Variants in NRXN3 observed in about 807,000 individuals in gnomAD.
The protein encoded by NRXN3 is neurexin 3, also known as neurexin III.
In NRXN3, 32 loss-of-function variants were observed where a neutral mutation model predicts 137.6. The ratio of observed to expected loss-of-function variants is 0.23; its 90% CI spans 0.18 to 0.31. The LOEUF is 0.31. Among genes scored for constraint, NRXN3 ranks in the 10% least tolerant of loss-of-function variants. The pLI is 1.00. For synonymous variants in NRXN3, 798 were observed against 784.5 expected, an observed-to-expected ratio of 1.02 and a Z score of -0.29; for missense variants, 1,574 against 2,062.5, an observed-to-expected ratio of 0.76 and a Z score of 4.59.
chr14:78,298,699 C>G (rs999091004), intron 4 of NRXN3, among the ~76,000 whole-genome samples: 10 of 152,168 alleles, frequency 6.6e-5, no homozygotes, highest in Non-Finnish European at 1.2e-4. Flanking sequence ...TCTTCTGAGC[C>G]TTGGGATGAT....
At chr14:78,191,471 T>C (rs2060720655) in intron 1 of NRXN3, among the ~76,000 whole-genome samples, 1 of 152,114 alleles carries the variant, frequency 6.6e-6, no homozygotes, top group Non-Finnish European at 1.5e-5. Context: ...AACATGGAAG[T>C]GCATTTGATG....
chr14:78,963,553 A>G (rs31422), intron 11 of NRXN3, among the ~76,000 whole-genome samples: 40,686 of 151,894 alleles, frequency 0.27, 9,909 homozygotes, highest in African/African-American at 0.64. Flanking sequence ...TAGAGCATGC[A>G]AATTTAGATT....
At position 79,228,872 on chromosome 14, in the gene NRXN3, T is replaced by C. The variant is rs145320999; in HGVS notation, c.3263-238349T>C. 1.3e-4 allele frequency among the ~76,000 whole-genome samples: 20 copies of C among 152,300 alleles called. No homozygotes were observed. In the East Asian group the frequency reaches 3.9e-3, roughly 29 times the overall value. On this transcript the variant is annotated intron_variant, in intron 15 of 20. Coordinates refer to ENST00000335750, the MANE Select transcript of NRXN3 (RefSeq NM_001330195.2). ...TTGCTGAAATTCACCTTTTAGTTTT[T>C]TTAGAAGGGAGCGGTATTGGCATAC...
At chr14:78,583,974 T>C (rs1214842064) in intron 4 of NRXN3, among the ~76,000 whole-genome samples, 1 of 152,212 alleles carries the variant, frequency 6.6e-6, no homozygotes, top group East Asian at 1.9e-4. Context: ...CTTTCATGCA[T>C]TTACTTATCC....
At chr14:79,154,106 T>C (rs942188921) in intron 15 of NRXN3, among the ~76,000 whole-genome samples, 2 of 151,988 alleles carry the variant, frequency 1.3e-5, no homozygotes, top group Non-Finnish European at 2.9e-5. Context: ...TTAATTTTCT[T>C]ATATACCAGG....
intron 4 of NRXN3, among the ~76,000 whole-genome samples, chr14:78,316,583 T>C (rs1398245149): frequency 6.6e-6 from 1 of 152,184 alleles, no homozygotes; most frequent in African/African-American, 2.4e-5. Context: ...GCCTAATATA[T>C]ATGCCCAGGC....
chr14:78,660,094 A>G (rs2097824873), intron 6 of NRXN3, among the ~76,000 whole-genome samples: 1 of 152,046 alleles, frequency 6.6e-6, no homozygotes, highest in East Asian at 1.9e-4. Context: ...AAAAAGTGGT[A>G]TGGGCCTAAG....
At chr14:78,197,234 A>G (rs1013803993) in intron 1 of NRXN3, among the ~76,000 whole-genome samples, 4 of 152,268 alleles carry the variant, frequency 2.6e-5, no homozygotes, top group Non-Finnish European at 5.9e-5. Context: ...GCGTGCATGC[A>G]TAATCAATAC....
At chr14:79,522,015 T>G (rs61309702) in intron 16 of NRXN3, among the ~76,000 whole-genome samples, 2 of 152,134 alleles carry the variant, frequency 1.3e-5, no homozygotes, top group African/African-American at 4.8e-5. Context: ...ACAGTCCTGG[T>G]GAGTCAGAGA....
At chr14:79,768,785 C>T (rs973165766) in intron 19 of NRXN3, among the ~76,000 whole-genome samples, 18 of 152,292 alleles carry the variant, frequency 1.2e-4, no homozygotes, top group East Asian at 7.7e-4. Flanking sequence ...ATGACTTTGA[C>T]GAGCTGAGAG....
At chr14:78,197,787 C>G (rs917632813) in intron 1 of NRXN3, among the ~76,000 whole-genome samples, 1 of 152,202 alleles carries the variant, frequency 6.6e-6, no homozygotes, top group African/African-American at 2.4e-5. Context: ...TCCTTCTCCT[C>G]TCCTGCTCAG....
At chr14:79,624,008 T>A (rs1317190143) in intron 16 of NRXN3, among the ~76,000 whole-genome samples, 1 of 152,156 alleles carries the variant, frequency 6.6e-6, no homozygotes, top group Non-Finnish European at 1.5e-5. Flanking sequence ...CACCTACAGA[T>A]GATTTCACCT....
At chr14:78,680,658 G>GAGTGGTTTGATTTTATC (rs2152741458) in intron 6 of NRXN3, among the ~76,000 whole-genome samples, 1 of 152,212 alleles carries the variant, frequency 6.6e-6, no homozygotes, top group African/African-American at 2.4e-5. Flanking sequence ...ACTGAAAGTA[G>GAGTGGTTTGATTTTATC]AGTGGTTTGA....
chr14:79,345,283 G>A (rs2092811422), intron 15 of NRXN3, among the ~76,000 whole-genome samples: 1 of 152,028 alleles, frequency 6.6e-6, no homozygotes, highest in South Asian at 2.1e-4. Context: ...AGATACAAAA[G>A]CCATATAAGA....
intron 1 of NRXN3, among the ~76,000 whole-genome samples, chr14:78,206,552 G>GA (rs575463359): frequency 2.2e-3 from 339 of 151,820 alleles, no homozygotes; most frequent in African/African-American, 7.7e-3. Context: ...CCCAAGAGAG[G>GA]AAAAAAAAGA....
chr14:78,353,218 C>T (rs1329568851), intron 4 of NRXN3, among the ~76,000 whole-genome samples: 1 of 152,130 alleles, frequency 6.6e-6, no homozygotes, highest in Non-Finnish European at 1.5e-5. Flanking sequence ...GTCTCTGGTT[C>T]CCACACACGT....
At chr14:78,589,704 CT>C (rs1446123300) in intron 4 of NRXN3, among the ~76,000 whole-genome samples, 1 of 152,156 alleles carries the variant, frequency 6.6e-6, no homozygotes, top group African/African-American at 2.4e-5. Context: ...TGGTTCTGCT[CT>C]TGGGCCAGGA....
intron 4 of NRXN3, among the ~76,000 whole-genome samples, chr14:78,505,904 C>T (rs898484215): frequency 1.3e-5 from 2 of 152,064 alleles, no homozygotes; most frequent in African/African-American, 2.4e-5. Flanking sequence ...ATGCAAACAT[C>T]GATGATGCCT....
chr14:78,845,664 G>A (rs1015704838), intron 10 of NRXN3, among the ~76,000 whole-genome samples: 2 of 152,076 alleles, frequency 1.3e-5, no homozygotes, highest in East Asian at 3.9e-4. Context: ...GAGTAATGTT[G>A]CTTTCCAGGT....
Sources: gnomAD v4.1 joint callset for allele counts (sites outside exome capture counted in the v4.1 genomes callset) on GRCh38, gnomAD v4.1.1 for gene constraint, MANE v1.5 for transcripts, NCBI Gene and HGNC (gene_info 2026-07-23, HGNC 2026-07-21) for gene names.